COX4I2: variants seen among roughly 807,000 people sequenced by gnomAD.
COX4I2 encodes cytochrome c oxidase subunit 4 isoform 2, mitochondrial.
A neutral mutation model predicts 20.8 loss-of-function variants in COX4I2; 15 were observed. The observed-to-expected ratio is 0.72, with a 90% CI of 0.48 to 1.11. The LOEUF (loss-of-function observed/expected upper bound fraction) is 1.11. COX4I2 is among the 50% of genes most tolerant of loss of function. COX4I2 has a pLI of 0.00. For missense variants in COX4I2, 224 were observed against 223.0 expected, an observed-to-expected ratio of 1.00 and a Z score of -0.03; for synonymous variants, 80 against 78.1, an observed-to-expected ratio of 1.02 and a Z score of -0.13.
intron 2 of COX4I2, 113 bp downstream of exon 2, chr20:31,639,212 CTTCCCATG>C: frequency 6.5e-7 from 1 of 1,538,162 alleles, no homozygotes; most frequent in Non-Finnish European, 8.7e-7. Context: ...TCCTACCACA[CTTCCCATG>C]TTCCCATGAT....
intron 4 of COX4I2, among the ~76,000 whole-genome samples, chr20:31,644,272 A>G (rs1266868926): frequency 6.6e-6 from 1 of 152,184 alleles, no homozygotes; most frequent in Non-Finnish European, 1.5e-5. Context: ...GGTGCTTAAT[A>G]TTTGTCTAAC....
intron 3 of COX4I2, among the ~76,000 whole-genome samples, chr20:31,640,755 C>T (rs929974099): frequency 1.4e-4 from 22 of 152,072 alleles, no homozygotes; most frequent in Non-Finnish European, 2.9e-4. Flanking sequence ...GCCTGACCTC[C>T]AAGATTTCAA....
intron 2 of COX4I2, among the ~76,000 whole-genome samples, chr20:31,639,638 A>T (rs1247302806): frequency 8.8e-5 from 13 of 147,862 alleles, no homozygotes; most frequent in African/African-American, 3.1e-4. Flanking sequence ...GCTCACTGCA[A>T]CCTCCGCCTC....
chr20:31,644,081 G>T (rs185039153), intron 4 of COX4I2, among the ~76,000 whole-genome samples: 4 of 152,172 alleles, frequency 2.6e-5, no homozygotes, highest in African/African-American at 9.7e-5. Flanking sequence ...AAAGTGCTGG[G>T]ATTACAGGCA....
At chr20:31,640,836 A>G (rs987052725) in intron 3 of COX4I2, among the ~76,000 whole-genome samples, 7 of 152,102 alleles carry the variant, frequency 4.6e-5, no homozygotes, top group African/African-American at 1.7e-4. Flanking sequence ...TTTGGCACCT[A>G]CTACAATACC....
intron 2 of COX4I2, 131 bp downstream of exon 2, chr20:31,639,230 T>G (rs1373623148): frequency 1.3e-6 from 2 of 1,530,280 alleles, no homozygotes; most frequent in Admixed American, 4.0e-5. Flanking sequence ...GTTCCCATGA[T>G]CCCACTCCTT....
chr20:31,639,866 T>G, intron 2 of COX4I2, 67 bp from the exon 3 acceptor site: 1 of 1,576,922 alleles, frequency 6.3e-7, no homozygotes, highest in Non-Finnish European at 8.7e-7. Context: ...ACCTTCTTTA[T>G]TAATATAGTT....
chr20:31,641,130 A>G (rs146209159), intron 3 of COX4I2, among the ~76,000 whole-genome samples: 3 of 152,106 alleles, frequency 2.0e-5, no homozygotes, highest in African/African-American at 7.2e-5. Context: ...ATGTATACAT[A>G]TGTAACAAAC....
chr20:31,638,666 C>G (rs540903661), intron 1 of COX4I2, among the ~76,000 whole-genome samples: 1 of 152,218 alleles, frequency 6.6e-6, no homozygotes, highest in Admixed American at 6.5e-5. Flanking sequence ...GGGGAGCAAA[C>G]AAGTGAGCGG....
intron 4 of COX4I2, among the ~76,000 whole-genome samples, chr20:31,644,162 A>G (rs2122339093): frequency 6.6e-6 from 1 of 152,174 alleles, no homozygotes; most frequent in Non-Finnish European, 1.5e-5. Flanking sequence ...CCTACTTTCA[A>G]CCCTCTTAGA....
chr20:31,644,886 G>A lies in COX4I2; in HGVS notation c.498G>A (p.Lys166=). Residue 166 remains lysine, a synonymous_variant, in exon 5 of 5, where the codon AAG becomes AAA. Transcript: ENST00000376075. ...QGLASRWDYE[K]KQWKK is the part of the protein sequence containing the mutation. Reference sequence around the variant, plus strand: ...TGGCCTCCCGCTGGGACTATGAGAAGAAGCAGTGGAAGAAGTGACTTGCAT... The same window carrying A: ...TGGCCTCCCGCTGGGACTATGAGAAAAAGCAGTGGAAGAAGTGACTTGCAT... 1 of 1,614,000 alleles carries A rather than the reference G, an allele frequency of 6.2e-7. No individual in the cohort carries two copies. Among genetic ancestry groups the A allele is most frequent in the Non-Finnish European group, 8.5e-7 (1 of 1,179,958 alleles).
At chr20:31,641,480 T>C (rs924357969) in intron 3 of COX4I2, among the ~76,000 whole-genome samples, 14 of 152,192 alleles carry the variant, frequency 9.2e-5, no homozygotes, top group Admixed American at 1.3e-4. Context: ...GGCACCGCTG[T>C]GGCGTTAGGT....
rs751057812 is a variant in COX4I2, at chr20:31,644,752, C to T, written c.380-16C>T. The T allele has an allele frequency of 5.6e-6, 9 of 1,613,736 alleles. No individual in the cohort carries two copies. In the African/African-American group the frequency reaches 1.2e-4, roughly 22 times the overall value. On this transcript the variant is annotated splice_polypyrimidine_tract_variant and intron_variant, in intron 4 of 4. Coordinates refer to ENST00000376075, the MANE Select transcript of COX4I2 (RefSeq NM_032609.3). ...AGACTGGCAGGATCCTGATCCACCCCATGTACTCCCTGCAGTATTTCCTCC... is the reference window on the plus strand; with the variant it reads ...AGACTGGCAGGATCCTGATCCACCCTATGTACTCCCTGCAGTATTTCCTCC...
intron 3 of COX4I2, 51 bp downstream of exon 3, chr20:31,640,148 T>C (rs1412284580): frequency 1.3e-6 from 2 of 1,545,210 alleles, no homozygotes; most frequent in African/African-American, 1.4e-5. Flanking sequence ...GGGCTGACTT[T>C]GGAAAGAATG....
chr20:31,644,012 T>C (rs940571722), intron 4 of COX4I2, among the ~76,000 whole-genome samples: 1 of 152,200 alleles, frequency 6.6e-6, no homozygotes, highest in South Asian at 2.1e-4. Flanking sequence ...GGTTTCGCCA[T>C]GTTGGCCAGG....
chr20:31,640,994 C>CACACACAT (rs1491240601), intron 3 of COX4I2, among the ~76,000 whole-genome samples: 1 of 145,582 alleles, frequency 6.9e-6, no homozygotes, highest in African/African-American at 2.5e-5. Flanking sequence ...CACACACACA[C>CACACACAT]ATCTTGGTTT....
Position 31,644,927 on chromosome 20 carries a change from T to G in COX4I2, c.*23T>G, listed in dbSNP as rs2060488323. On this transcript the variant is annotated 3_prime_UTR_variant, in exon 5 of 5. Coordinates refer to ENST00000376075, the MANE Select transcript of COX4I2 (RefSeq NM_032609.3). ...TGACTTGCATCCCCAGCTGTCTCCC[T>G]GAGGCTCCGCCCTGGCTGGGAGCCT... 1.9e-6 allele frequency: 3 copies of G among 1,611,164 alleles called. No individual in the cohort carries two copies. Among genetic ancestry groups the G allele is most frequent in the Non-Finnish European group, 2.5e-6 (3 of 1,178,800 alleles).
rs1333166543 is a variant in COX4I2, at chr20:31,644,959, G to GCCCCT, written c.*66_*70dup. On this transcript the variant is annotated 3_prime_UTR_variant, in exon 5 of 5. Transcript: ENST00000376075. ...CCGCCCTGGCTGGGAGCCTCTGGCG[G>GCCCCT]CCCCTCCCCTCCCCTGCCCTTAACC... 61 of 1,595,160 alleles carry GCCCCT rather than the reference G, an allele frequency of 3.8e-5. No individual in the cohort carries two copies. Among genetic ancestry groups the GCCCCT allele is most frequent in the Non-Finnish European group, 5.1e-5 (60 of 1,170,384 alleles).
intron 1 of COX4I2, 35 bp from the exon 2 acceptor site, chr20:31,638,983 G>T (rs1216952495): frequency 6.3e-7 from 1 of 1,584,090 alleles, no homozygotes; most frequent in Non-Finnish European, 8.6e-7. Context: ...AGGGTGATGT[G>T]GGGGCAGAAC....
Sources: gnomAD v4.1 joint callset for allele counts (sites outside exome capture counted in the v4.1 genomes callset) on GRCh38, gnomAD v4.1.1 for gene constraint, MANE v1.5 for transcripts, NCBI Gene and HGNC (gene_info 2026-07-23, HGNC 2026-07-21) for gene names.